SND1: variants seen among roughly 807,000 people sequenced by gnomAD.
SND1 encodes staphylococcal nuclease domain-containing protein 1.
SND1 carries 38 observed loss-of-function variants against 121.7 expected under a neutral mutation model. That is an observed-to-expected ratio of 0.31 (90% CI 0.24 to 0.41). SND1 has a LOEUF of 0.41. Among genes scored for constraint, SND1 ranks in the 10% least tolerant of loss-of-function variants. The pLI is 1.00. For missense variants in SND1, 868 were observed against 1,184.6 expected (o/e 0.73, Z 3.92); for synonymous variants, 401 against 447.4 (o/e 0.90, Z 1.31).
intron 10 of SND1, among the ~76,000 whole-genome samples, chr7:127,723,895 AAAAT>A (rs1179848108): frequency 2.0e-5 from 3 of 152,264 alleles, no homozygotes; most frequent in African/African-American, 7.2e-5. Context: ...ATGAATATGA[AAAAT>A]AAATGAGACG....
chr7:127,957,080 T>C (rs1191408631), intron 15 of SND1, among the ~76,000 whole-genome samples: 1 of 152,214 alleles, frequency 6.6e-6, no homozygotes, highest in African/African-American at 2.4e-5. Context: ...CAATGTTCTG[T>C]GGCCAGTAGA....
intron 15 of SND1, among the ~76,000 whole-genome samples, chr7:127,943,119 A>T (rs928943894): frequency 3.3e-5 from 5 of 152,184 alleles, no homozygotes; most frequent in Non-Finnish European, 4.4e-5. Flanking sequence ...ACACAGTAGC[A>T]CTTGAGCTGT....
At chr7:127,857,104 A>G (rs1799289918) in intron 12 of SND1, among the ~76,000 whole-genome samples, 1 of 146,520 alleles carries the variant, frequency 6.8e-6, no homozygotes, top group South Asian at 2.1e-4. Flanking sequence ...TGCTGGACCT[A>G]TTTATTGCTT....
chr7:127,950,592 C>T (rs1209086658), intron 15 of SND1, among the ~76,000 whole-genome samples: 1 of 152,210 alleles, frequency 6.6e-6, no homozygotes, highest in African/African-American at 2.4e-5. Flanking sequence ...CAATACTGTA[C>T]ATGACTTTCC....
intron 15 of SND1, among the ~76,000 whole-genome samples, chr7:127,946,028 C>T (rs1489121868): frequency 2.0e-5 from 3 of 152,208 alleles, no homozygotes; most frequent in Admixed American, 2.0e-4. Flanking sequence ...ACTGCATCTG[C>T]GTGTACTCTC....
intron 10 of SND1, among the ~76,000 whole-genome samples, chr7:127,794,037 C>T (rs1032287708): frequency 6.6e-6 from 1 of 152,012 alleles, no homozygotes; most frequent in African/African-American, 2.4e-5. Flanking sequence ...TTTATTTGCC[C>T]GTATTTCTCC....
intron 10 of SND1, among the ~76,000 whole-genome samples, chr7:127,760,004 A>G (rs748336666): frequency 2.0e-4 from 30 of 152,266 alleles, no homozygotes; most frequent in Middle Eastern, 3.4e-3. Context: ...CCTGCTCGAC[A>G]TACTTGGGCT....
chr7:127,912,801 A>G (rs1199935006), intron 14 of SND1, among the ~76,000 whole-genome samples: 1 of 152,194 alleles, frequency 6.6e-6, no homozygotes, highest in African/African-American at 2.4e-5. Context: ...AGGATTATAG[A>G]ATTATATGCT....
chr7:127,945,193 T>A (rs945936267), intron 15 of SND1, among the ~76,000 whole-genome samples: 11 of 152,224 alleles, frequency 7.2e-5, no homozygotes, highest in Admixed American at 3.9e-4. Flanking sequence ...ACGTTTTGAC[T>A]CTTTTAAAAT....
chr7:127,964,591 C>T (rs1033220295), intron 15 of SND1, among the ~76,000 whole-genome samples: 4 of 152,056 alleles, frequency 2.6e-5, no homozygotes, highest in Non-Finnish European at 2.9e-5. Flanking sequence ...TTCTGAGGGC[C>T]CTGTTCTGTT....
chr7:127,694,042 T>A (rs1207480829), intron 2 of SND1, among the ~76,000 whole-genome samples: 1 of 152,038 alleles, frequency 6.6e-6, no homozygotes, highest in Non-Finnish European at 1.5e-5. Context: ...CATGGAACGG[T>A]GAGAGGAAAG....
chr7:127,851,194 T>G (rs1048008238), intron 12 of SND1, among the ~76,000 whole-genome samples: 3 of 152,200 alleles, frequency 2.0e-5, no homozygotes, highest in South Asian at 2.1e-4. Flanking sequence ...TGTGAGAGCT[T>G]CTTCTTTTCC....
At chr7:127,946,916 AC>A (rs1801341486) in intron 15 of SND1, among the ~76,000 whole-genome samples, 1 of 152,226 alleles carries the variant, frequency 6.6e-6, no homozygotes, top group African/African-American at 2.4e-5. Context: ...TATTTTTAGA[AC>A]CAGAAGATTT....
chr7:127,675,528 G>A (rs533012233), intron 1 of SND1, among the ~76,000 whole-genome samples: 1 of 152,290 alleles, frequency 6.6e-6, no homozygotes, highest in South Asian at 2.1e-4. Flanking sequence ...TGTTTTCTCA[G>A]ATTGCAACAC....
At chr7:127,725,437 G>A (rs541896204) in intron 10 of SND1, among the ~76,000 whole-genome samples, 1 of 152,316 alleles carries the variant, frequency 6.6e-6, no homozygotes, top group East Asian at 1.9e-4. Context: ...GCTTTGCCAG[G>A]TACCCTTCTG....
intron 16 of SND1, among the ~76,000 whole-genome samples, chr7:128,046,410 G>A (rs1402328435): frequency 7.0e-6 from 1 of 142,264 alleles, no homozygotes; most frequent in African/African-American, 2.6e-5. Context: ...CCGTCACGCA[G>A]GCCAGAGTGC....
At chr7:128,030,517 C>T (rs1792552539) in intron 16 of SND1, 3 of 1,613,234 alleles carry the variant, frequency 1.9e-6, no homozygotes, top group Non-Finnish European at 2.5e-6. Flanking sequence ...TTCTGGGGCC[C>T]GGCTGAGGCG....
intron 10 of SND1, among the ~76,000 whole-genome samples, chr7:127,742,038 A>C (rs531505514): frequency 1.3e-5 from 2 of 152,216 alleles, no homozygotes; most frequent in African/African-American, 4.8e-5. Context: ...CTTAGCCAGA[A>C]GGTAAGTCTT....
chr7:128,017,582 C>T (rs1202829720), intron 16 of SND1, among the ~76,000 whole-genome samples: 6 of 152,202 alleles, frequency 3.9e-5, no homozygotes, highest in Non-Finnish European at 8.8e-5. Flanking sequence ...GCCTGCCATG[C>T]GGCCTTCAGC....
Sources: allele counts gnomAD v4.1 joint callset (sites outside exome capture counted in the v4.1 genomes callset), GRCh38; gene constraint gnomAD v4.1.1; transcripts MANE v1.5; gene names NCBI Gene and HGNC (gene_info 2026-07-23, HGNC 2026-07-21).